The following MACROD2 variants were observed in gnomAD, a reference collection of about 807,000 sequenced individuals.
The protein encoded by MACROD2 is ADP-ribose glycohydrolase MACROD2.
In MACROD2, 36 loss-of-function variants were observed where a neutral mutation model predicts 70.4. The observed-to-expected ratio is 0.51, with a 90% confidence interval of 0.39 to 0.68. The LOEUF is 0.68. MACROD2 is among the 30% of genes least tolerant of loss of function. The pLI, the probability that MACROD2 is intolerant of heterozygous loss-of-function variation, is 0.00. For synonymous variants in MACROD2, 172 were observed against 178.8 expected, an observed-to-expected ratio of 0.96 and a Z score of 0.30; for missense variants, 496 against 538.4, an observed-to-expected ratio of 0.92 and a Z score of 0.78.
At chr20:15,144,596 A>G (rs957089843) in intron 5 of MACROD2, among the ~76,000 whole-genome samples, 2 of 152,178 alleles carry the variant, frequency 1.3e-5, no homozygotes, top group African/African-American at 4.8e-5. Context: ...TTGTTGCAAA[A>G]GGTGGGGAAA....
chr20:15,137,965 A>T (rs1026997576), intron 5 of MACROD2, among the ~76,000 whole-genome samples: 10 of 152,066 alleles, frequency 6.6e-5, no homozygotes, highest in Non-Finnish European at 1.5e-5. Context: ...TATCAGCTGA[A>T]GTTTTCTAAG....
At chr20:15,938,354 G>T (rs1286917319) in intron 12 of MACROD2, among the ~76,000 whole-genome samples, 1 of 152,124 alleles carries the variant, frequency 6.6e-6, no homozygotes, top group African/African-American at 2.4e-5. Flanking sequence ...AAGTCTGTCG[G>T]CACCATCTTT....
At chr20:14,102,852 T>C (rs372460859) in intron 3 of MACROD2, among the ~76,000 whole-genome samples, 4 of 151,538 alleles carry the variant, frequency 2.6e-5, no homozygotes, top group African/African-American at 7.3e-5. Flanking sequence ...ACTTTTTTTT[T>C]TGAAGTGGAC....
At chr20:15,854,093 C>T (rs752418739) in intron 8 of MACROD2, among the ~76,000 whole-genome samples, 3 of 152,086 alleles carry the variant, frequency 2.0e-5, no homozygotes, top group East Asian at 1.9e-4. Context: ...CTTCAGGGTG[C>T]GTAGAACCTT....
intron 1 of MACROD2, among the ~76,000 whole-genome samples, chr20:14,001,286 A>C (rs989573605): frequency 6.6e-6 from 1 of 152,222 alleles, no homozygotes; most frequent in Admixed American, 6.5e-5. Flanking sequence ...TTTTAATGAG[A>C]TATACATGTG....
chr20:15,961,530 GA>G (rs1229514891), intron 12 of MACROD2, among the ~76,000 whole-genome samples: 3 of 152,216 alleles, frequency 2.0e-5, no homozygotes, highest in Non-Finnish European at 4.4e-5. Context: ...TGAATCTGGA[GA>G]GAAATTCTGT....
At chr20:14,750,082 A>C (rs1283871157) in intron 5 of MACROD2, among the ~76,000 whole-genome samples, 1 of 152,166 alleles carries the variant, frequency 6.6e-6, no homozygotes, top group Non-Finnish European at 1.5e-5. Context: ...TGTTTTAATC[A>C]CAATTTTCAA....
chr20:15,461,357 T>A (rs958545190), intron 7 of MACROD2, among the ~76,000 whole-genome samples: 4 of 152,190 alleles, frequency 2.6e-5, no homozygotes, highest in Admixed American at 2.6e-4. Context: ...CCCTACGGTA[T>A]GTGTCAATAA....
At chr20:15,174,144 GATT>G (rs1568616739) in intron 5 of MACROD2, among the ~76,000 whole-genome samples, 1 of 152,044 alleles carries the variant, frequency 6.6e-6, no homozygotes, top group African/African-American at 2.4e-5. Flanking sequence ...AGACTATGTA[GATT>G]ATTATATAAA....
intron 5 of MACROD2, among the ~76,000 whole-genome samples, chr20:14,842,685 G>T (rs527843123): frequency 1.3e-5 from 2 of 152,172 alleles, no homozygotes; most frequent in East Asian, 1.9e-4. Flanking sequence ...AGACATTTTT[G>T]ATGTTCTTTG....
intron 3 of MACROD2, chr20:14,324,377 G>A (rs552151432): frequency 6.6e-6 from 1 of 152,570 alleles, no homozygotes; most frequent in African/African-American, 2.4e-5. Context: ...AGAAGGAAAT[G>A]TTACATTACG....
intron 5 of MACROD2, among the ~76,000 whole-genome samples, chr20:14,981,019 GAA>G (rs1246113549): frequency 4.9e-5 from 7 of 142,680 alleles, no homozygotes; most frequent in Admixed American, 4.1e-4. Flanking sequence ...TTTACAAAAA[GAA>G]GTGTGTGTGT....
chr20:14,622,388 A>C (rs1983883093), intron 4 of MACROD2, among the ~76,000 whole-genome samples: 1 of 152,166 alleles, frequency 6.6e-6, no homozygotes, highest in Non-Finnish European at 1.5e-5. Context: ...GTGCAGTCAT[A>C]TATGTGTACA....
chr20:16,007,539 G>A (rs893289271), intron 15 of MACROD2, among the ~76,000 whole-genome samples: 1 of 152,138 alleles, frequency 6.6e-6, no homozygotes, highest in African/African-American at 2.4e-5. Flanking sequence ...GCTATGGGCA[G>A]GAAAGCTTTT....
intron 3 of MACROD2, among the ~76,000 whole-genome samples, chr20:14,290,507 ATT>A (rs11350359): frequency 0.2 from 25,965 of 133,098 alleles, 2,464 homozygotes; most frequent in East Asian, 0.28. Context: ...AGGTAGCTGT[ATT>A]TTTTTTTTTT....
At chr20:14,514,445 A>G (rs1398071253) in intron 4 of MACROD2, among the ~76,000 whole-genome samples, 2 of 152,140 alleles carry the variant, frequency 1.3e-5, no homozygotes, top group African/African-American at 2.4e-5. Flanking sequence ...CTCTCTGGAC[A>G]TCACAATGTC....
At chr20:15,583,242 C>T in intron 8 of MACROD2, among the ~76,000 whole-genome samples, 1 of 152,200 alleles carries the variant, frequency 6.6e-6, no homozygotes, top group East Asian at 1.9e-4. Context: ...CTTTCCCTCT[C>T]AGTTATCTCT....
chr20:14,066,432 T>C (rs886976912), intron 2 of MACROD2, among the ~76,000 whole-genome samples: 1 of 152,252 alleles, frequency 6.6e-6, no homozygotes, highest in Non-Finnish European at 1.5e-5. Flanking sequence ...TTTTGATACA[T>C]AGTCTTGAAA....
chr20:15,577,330 C>CA, intron 8 of MACROD2, among the ~76,000 whole-genome samples: 1 of 152,196 alleles, frequency 6.6e-6, no homozygotes, highest in East Asian at 1.9e-4. Flanking sequence ...ACCCCAACCC[C>CA]ACCCTGCGCT....
Sources: gnomAD v4.1 joint callset for allele counts (sites outside exome capture counted in the v4.1 genomes callset) on GRCh38, gnomAD v4.1.1 for gene constraint, MANE v1.5 for transcripts, NCBI Gene and HGNC (gene_info 2026-07-23, HGNC 2026-07-21) for gene names.